SYN2: variants seen among roughly 807,000 people sequenced by gnomAD.
SYN2 encodes synapsin-2.
A neutral mutation model predicts 50.9 loss-of-function variants in SYN2; 19 were observed. The observed-to-expected ratio is 0.37, with a 90% confidence interval of 0.26 to 0.55. SYN2 has a LOEUF of 0.55. Among genes scored for constraint, SYN2 ranks in the 20% least tolerant of loss-of-function variants. SYN2 has a pLI of 0.81. For missense variants in SYN2, 587 were observed against 576.4 expected (o/e 1.02, Z -0.19); for synonymous variants, 255 against 224.9 (o/e 1.13, Z -1.20).
At chr3:12,028,289 G>A (rs1024319419) in intron 1 of SYN2, among the ~76,000 whole-genome samples, 5 of 151,622 alleles carry the variant, frequency 3.3e-5, no homozygotes, top group Admixed American at 6.6e-5. Flanking sequence ...TGGACATTTC[G>A]GTTGGTTCCA....
intron 10 of SYN2, among the ~76,000 whole-genome samples, chr3:12,176,998 G>A (rs1173724656): frequency 1.3e-5 from 2 of 152,124 alleles, no homozygotes; most frequent in Non-Finnish European, 2.9e-5. Context: ...GGCTGTTGGA[G>A]CAGGTAACTT....
At chr3:12,145,894 G>C (rs941632266) in intron 4 of SYN2, 59 bp downstream of exon 4, 8 of 1,600,952 alleles carry the variant, frequency 5.0e-6, no homozygotes, top group African/African-American at 1.3e-5. Context: ...ACATCTCCCA[G>C]GTCCCTAGCA....
At chr3:12,019,711 AC>A (rs1694091512) in intron 1 of SYN2, among the ~76,000 whole-genome samples, 1 of 152,184 alleles carries the variant, frequency 6.6e-6, no homozygotes, top group African/African-American at 2.4e-5. Context: ...GTAAAACTTT[AC>A]AATTTATGTA....
At chr3:12,044,939 C>T (rs952351434) in intron 1 of SYN2, among the ~76,000 whole-genome samples, 2 of 152,134 alleles carry the variant, frequency 1.3e-5, no homozygotes, top group African/African-American at 4.8e-5. Context: ...GTACACTTAT[C>T]TCTATTTTAT....
intron 1 of SYN2, among the ~76,000 whole-genome samples, chr3:12,021,670 C>G (rs573543667): frequency 6.6e-6 from 1 of 152,288 alleles, no homozygotes; most frequent in Non-Finnish European, 1.5e-5. Flanking sequence ...TTTAAATGGG[C>G]TATTCACTGT....
intron 1 of SYN2, among the ~76,000 whole-genome samples, chr3:12,099,975 G>GAAAAAAAAAAAAAA (rs376887129): frequency 1.2e-4 from 15 of 120,182 alleles, no homozygotes; most frequent in African/African-American, 2.6e-4. Flanking sequence ...AAAAAAAAAA[G>GAAAAAAAAAAAAAA]AAAAAAAAAA....
chr3:12,140,251 C>A (rs308963), intron 1 of SYN2, among the ~76,000 whole-genome samples: 2 of 151,970 alleles, frequency 1.3e-5, no homozygotes, highest in South Asian at 2.1e-4. Flanking sequence ...ACTAAAAATC[C>A]AAGGGTGGAT....
intron 1 of SYN2, among the ~76,000 whole-genome samples, chr3:12,099,749 G>A (rs528714791): frequency 1.3e-5 from 2 of 152,072 alleles, no homozygotes; most frequent in Non-Finnish European, 2.9e-5. Flanking sequence ...CGGATCACGA[G>A]GTCAGGAGAT....
intron 1 of SYN2, among the ~76,000 whole-genome samples, chr3:12,121,160 A>G (rs1220086608): frequency 6.6e-6 from 1 of 152,104 alleles, no homozygotes; most frequent in African/African-American, 2.4e-5. Context: ...CTCAGGCATC[A>G]CTTCTTTTAG....
intron 1 of SYN2, among the ~76,000 whole-genome samples, chr3:12,134,654 T>C (rs1485620766): frequency 6.6e-6 from 1 of 152,246 alleles, no homozygotes; most frequent in Non-Finnish European, 1.5e-5. Context: ...CCCTGAATTA[T>C]AATCTTTTAT....
intron 11 of SYN2, among the ~76,000 whole-genome samples, chr3:12,187,074 T>A (rs1698356345): frequency 6.6e-6 from 1 of 152,154 alleles, no homozygotes; most frequent in South Asian, 2.1e-4. Flanking sequence ...CCCTGCATTC[T>A]AGGGCCCTCT....
At chr3:12,107,416 A>C (rs1696217188) in intron 1 of SYN2, among the ~76,000 whole-genome samples, 1 of 152,164 alleles carries the variant, frequency 6.6e-6, no homozygotes, top group Admixed American at 6.5e-5. Context: ...CTCGGTCCTT[A>C]TTGATGATCT....
chr3:12,161,452 C>T lies in SYN2; in HGVS notation c.775-94C>T, dbSNP rs576200203. The stretch of plus-strand genomic sequence containing the variant: ...TAGATTGGACTAGTTCTTTAAAGAA[C>T]CCTCCCAAGGGTATTCCCAAGAAAA... On this transcript the variant is annotated intron_variant, in intron 5 of 12. Coordinates refer to ENST00000621198, the MANE Select transcript of SYN2 (RefSeq NM_133625.6). 8 of 1,412,506 alleles carry T rather than the reference C, an allele frequency of 5.7e-6. No individual in the cohort carries two copies. The African/African-American group carries it at 8.4e-5, about 15-fold the overall frequency. The allele number at this position is 1,412,506 out of a possible 1,614,324, so 87.5% of individuals were successfully genotyped here.
intron 1 of SYN2, among the ~76,000 whole-genome samples, chr3:12,124,077 G>T (rs1041300679): frequency 1.3e-5 from 2 of 152,074 alleles, no homozygotes; most frequent in African/African-American, 4.8e-5. Flanking sequence ...ACAAAAAGTA[G>T]ATATTCTTCA....
chr3:12,190,346 T>A (rs375853389), intron 12 of SYN2, 144 bp from the exon 13 acceptor site: 1 of 924,006 alleles, frequency 1.1e-6, no homozygotes. Flanking sequence ...CTTGGTAGCA[T>A]GGCCACTTCT....
intron 1 of SYN2, among the ~76,000 whole-genome samples, chr3:12,014,210 C>A (rs1166266554): frequency 6.6e-6 from 1 of 152,164 alleles, no homozygotes; most frequent in African/African-American, 2.4e-5. Flanking sequence ...GCATCCTTAG[C>A]ATCCAGCATA....
chr3:12,102,037 A>C (rs6772551), intron 1 of SYN2, among the ~76,000 whole-genome samples: 1 of 152,156 alleles, frequency 6.6e-6, no homozygotes, highest in African/African-American at 2.4e-5. Flanking sequence ...ATGAGAAATC[A>C]TGTATGATTG....
chr3:12,187,283 C>CTA, intron 11 of SYN2, 86 bp from the exon 12 acceptor site: 1 of 1,439,284 alleles, frequency 6.9e-7, no homozygotes, highest in South Asian at 1.5e-5. Flanking sequence ...GGGTAATTAA[C>CTA]TAACCACACC....
chr3:12,158,960 AATC>A, intron 5 of SYN2: 1 of 1,372,158 alleles, frequency 7.3e-7, no homozygotes, highest in Non-Finnish European at 9.5e-7. Context: ...CCTAAGGGCC[AATC>A]CCGCCCCGAC....
Sources: gnomAD v4.1 joint callset for allele counts (sites outside exome capture counted in the v4.1 genomes callset) on GRCh38, gnomAD v4.1.1 for gene constraint, MANE v1.5 for transcripts, NCBI Gene and HGNC (gene_info 2026-07-23, HGNC 2026-07-21) for gene names.